PKD1L3: variants seen among roughly 807,000 people sequenced by gnomAD.
PKD1L3 encodes the protein polycystin-1-like protein 3.
In PKD1L3, 239 loss-of-function variants were observed where a neutral mutation model predicts 184.1. That is an observed-to-expected ratio of 1.30 (90% CI 1.17 to 1.45). The LOEUF is 1.45. Ranked by LOEUF, PKD1L3 falls within the 40% of genes most tolerant of loss-of-function variation. PKD1L3 has a pLI of 0.00. For missense variants in PKD1L3, 2,660 were observed against 2,067.2 expected, an observed-to-expected ratio of 1.29 and a Z score of -5.56; for synonymous variants, 996 against 778.8, an observed-to-expected ratio of 1.28 and a Z score of -4.64.
intron 28 of PKD1L3, chr16:71,930,653 A>ATTTT (rs879871607): frequency 6.8e-6 from 1 of 147,978 alleles, no homozygotes; most frequent in Non-Finnish European, 1.5e-5. Context: ...GCTTTTTAGT[A>ATTTT]TTTTTTTTTT....
Position 71,977,478 on chromosome 16 carries a change from A to G in PKD1L3, c.1528-11T>C, listed in dbSNP as rs186142270. ...TCTCCAGAGCATGATCTAGAATAAG[A>G]GACAGTTAATCATTATAATGGTCCA... On this transcript the variant is annotated splice_polypyrimidine_tract_variant and intron_variant, in intron 10 of 29. Coordinates refer to ENST00000620267, the MANE Select transcript of PKD1L3 (RefSeq NM_181536.2). 216 of 1,523,158 alleles carry G rather than the reference A, an allele frequency of 1.4e-4. 1 individual carries two copies. The East Asian group carries it at 4.3e-3, about 30-fold the overall frequency. The allele number at this position is 1,523,158 out of a possible 1,614,324, so 94.4% of individuals were successfully genotyped here.
intron 16 of PKD1L3, among the ~76,000 whole-genome samples, chr16:71,960,745 T>C (rs2039246107): frequency 1.3e-5 from 2 of 152,106 alleles, no homozygotes; most frequent in Non-Finnish European, 2.9e-5. Flanking sequence ...TTTGAATAAA[T>C]ATGTCTATAT....
intron 26 of PKD1L3, 27 bp from the exon 27 acceptor site, chr16:71,934,152 T>C (rs1200246233): frequency 6.5e-7 from 1 of 1,549,826 alleles, no homozygotes; most frequent in East Asian, 2.4e-5. Context: ...TGACAGTTAC[T>C]CAGCAAGAAG....
At chr16:71,988,721 AACGGGAGAAAAGC>A (rs1398669848) in intron 4 of PKD1L3, among the ~76,000 whole-genome samples, 1 of 152,192 alleles carries the variant, frequency 6.6e-6, no homozygotes, top group African/African-American at 2.4e-5. Flanking sequence ...ACATAAGATA[AACGGGAGAAAAGC>A]ACACACATTT....
chr16:71,936,595 C>G (rs2038189066), intron 25 of PKD1L3, among the ~76,000 whole-genome samples: 1 of 149,780 alleles, frequency 6.7e-6, no homozygotes, highest in Non-Finnish European at 1.5e-5. Context: ...TCTCGGCTCA[C>G]TGCAACCTCC....
At chr16:71,974,930 T>C (rs2039863389) in intron 11 of PKD1L3, among the ~76,000 whole-genome samples, 2 of 9,296 alleles carry the variant, frequency 2.2e-4, no homozygotes, top group East Asian at 2.3e-3. Context: ...CCATTCAGAT[T>C]TTTCCCAACG....
chr16:71,960,429 AAAGAT>A (rs746816427), intron 16 of PKD1L3, among the ~76,000 whole-genome samples: 6 of 152,182 alleles, frequency 3.9e-5, no homozygotes, highest in Admixed American at 1.3e-4. Flanking sequence ...CTGAAAGTAA[AAAGAT>A]AAGAACAAAC....
chr16:71,969,753 T>G (rs2039639624), intron 13 of PKD1L3, 122 bp downstream of exon 13: 3 of 863,164 alleles, frequency 3.5e-6, no homozygotes, highest in East Asian at 5.4e-5. Context: ...AAAGTTTCAC[T>G]TGAATTTCTA....
intron 22 of PKD1L3, 70 bp downstream of exon 22, chr16:71,947,416 TTATCGA>T: frequency 1.0e-6 from 1 of 952,914 alleles, no homozygotes; most frequent in Non-Finnish European, 1.6e-6. Context: ...ATGGGTTAAT[TTATCGA>T]GTCAGCAAGG....
chr16:71,944,460 A>C (rs2038482760), intron 22 of PKD1L3, among the ~76,000 whole-genome samples: 1 of 152,136 alleles, frequency 6.6e-6, no homozygotes, highest in Non-Finnish European at 1.5e-5. Flanking sequence ...CCAAGGCAGC[A>C]GGATCACTTG....
chr16:71,970,141 C>G, intron 12 of PKD1L3, 36 bp from the exon 13 acceptor site: 2 of 1,502,772 alleles, frequency 1.3e-6, no homozygotes, highest in South Asian at 1.2e-5. Flanking sequence ...TCTAGTCAGA[C>G]AGAGTGCTAA....
intron 18 of PKD1L3, 83 bp from the exon 19 acceptor site, chr16:71,951,827 C>G: frequency 7.8e-7 from 1 of 1,285,174 alleles, no homozygotes; most frequent in Admixed American, 2.6e-5. Context: ...TAAGGCCGTT[C>G]CCTTTCGTCA....
Position 71,980,016 on chromosome 16 carries a change from A to C in PKD1L3, c.1262T>G (p.Leu421Arg), listed in dbSNP as rs779577069. The change falls in exon 8 of 30, where the codon CTG becomes CGG. Residue 421 changes from leucine to arginine, a missense_variant. Physicochemically the swap from Leu to Arg is moderately radical, Grantham distance 102 (BLOSUM62 -2). Transcript: ENST00000620267. ...CCTTCTTCCCATTAACCTGCTCAGC[A>C]GCAGAGTAGCATTGGCAGAGGTCAA... ...VTLTSANATL[L>R]LSRQNISTLP... 17 of 1,552,164 alleles carry C rather than the reference A, an allele frequency of 1.1e-5. No homozygotes were observed. The highest frequency in any genetic ancestry group is 2.0e-5 in the Admixed American group (1 of 51,004).
chr16:71,977,564 T>A, intron 10 of PKD1L3, 97 bp from the exon 11 acceptor site: 1 of 439,236 alleles, frequency 2.3e-6, no homozygotes, highest in Admixed American at 5.0e-5. Flanking sequence ...CTAGCTCTTT[T>A]TTTTTTTTTT....
rs879226478 is a variant in PKD1L3, at chr16:71,986,478, T to C, written c.586-9A>G. The stretch of plus-strand genomic sequence containing the variant: ...TGACACAGGGTCTTGGACTAAAAGA[T>C]AAAAATATGTAAAGGAAAAGACTGA... On this transcript the variant is annotated splice_polypyrimidine_tract_variant and intron_variant, in intron 4 of 29. Transcript: ENST00000620267. The C allele has an allele frequency of 2.6e-6, 4 of 1,543,482 alleles. No individual in the cohort carries two copies. The highest frequency in any genetic ancestry group is 2.4e-5 in the South Asian group (2 of 82,966).
Position 71,951,514 on chromosome 16 carries a change from G to C in PKD1L3, c.3190+50C>G, listed in dbSNP as rs555466559. On this transcript the variant is annotated intron_variant, in intron 19 of 29. Coordinates refer to ENST00000620267, the MANE Select transcript of PKD1L3 (RefSeq NM_181536.2). ...AGTAAGAAAGTAAGACATATGCAAGGGAGTGGGAGGCAGATGGAAGATTCG... is the reference window on the plus strand; with the variant it reads ...AGTAAGAAAGTAAGACATATGCAAGCGAGTGGGAGGCAGATGGAAGATTCG... 2.0e-6 allele frequency: 3 copies of C among 1,494,208 alleles called. No individual in the cohort carries two copies. The South Asian group carries it at 3.8e-5, about 19-fold the overall frequency. The allele number at this position is 1,494,208 out of a possible 1,614,324, so 92.6% of individuals were successfully genotyped here. A position where few individuals can be genotyped will look rare whatever the true frequency, so the allele number is the denominator to read the frequency against.
At chr16:71,979,419 G>A (rs1162272885) in intron 9 of PKD1L3, among the ~76,000 whole-genome samples, 1 of 151,974 alleles carries the variant, frequency 6.6e-6, no homozygotes, top group Non-Finnish European at 1.5e-5. Context: ...ACTCCAGCCT[G>A]GGTGACAGAT....
chr16:71,987,434 C>T (rs1011913225), intron 4 of PKD1L3, among the ~76,000 whole-genome samples: 5 of 151,978 alleles, frequency 3.3e-5, no homozygotes, highest in South Asian at 2.1e-4. Context: ...AGTGCAGTGG[C>T]GCCACCTCAG....
intron 9 of PKD1L3, among the ~76,000 whole-genome samples, 156 bp from the exon 10 acceptor site, chr16:71,978,539 ATACT>A (rs1567538272): frequency 3.6e-5 from 4 of 111,250 alleles, no homozygotes; most frequent in African/African-American, 7.2e-5. Flanking sequence ...ACATACATAC[ATACT>A]TTTTTTTTTT....
Sources: allele counts gnomAD v4.1 joint callset (sites outside exome capture counted in the v4.1 genomes callset), GRCh38; gene constraint gnomAD v4.1.1; transcripts MANE v1.5; gene names NCBI Gene and HGNC (gene_info 2026-07-23, HGNC 2026-07-21).